MDGA2: variants seen among roughly 807,000 people sequenced by gnomAD.
MDGA2 encodes MAM domain containing glycosylphosphatidylinositol anchor 2, also known as MAM domain-containing glycosylphosphatidylinositol anchor protein 2.
MDGA2 carries 40 observed loss-of-function variants against 117.8 expected under a neutral mutation model. That is an observed-to-expected ratio of 0.34 (90% CI 0.26 to 0.44). The LOEUF is 0.44. MDGA2 is among the 20% of genes least tolerant of loss of function. The pLI, the probability that MDGA2 is intolerant of heterozygous loss-of-function variation, is 1.00. For synonymous variants in MDGA2, 452 were observed against 439.0 expected, an observed-to-expected ratio of 1.03 and a Z score of -0.37; for missense variants, 1,123 against 1,250.6, an observed-to-expected ratio of 0.90 and a Z score of 1.54.
At chr14:47,243,646 G>A (rs936438804) in intron 2 of MDGA2, among the ~76,000 whole-genome samples, 7 of 151,248 alleles carry the variant, frequency 4.6e-5, no homozygotes, top group East Asian at 1.9e-4. Flanking sequence ...CTGAGCCAGC[G>A]AGACCACGAA....
At chr14:46,846,315 G>A (rs1209988346) in intron 15 of MDGA2, among the ~76,000 whole-genome samples, 4 of 152,058 alleles carry the variant, frequency 2.6e-5, no homozygotes, top group Non-Finnish European at 5.9e-5. Flanking sequence ...ACAGTAATAT[G>A]TATATTGAAG....
At chr14:47,449,048 C>T (rs17118707) in intron 1 of MDGA2, among the ~76,000 whole-genome samples, 2,269 of 152,186 alleles carry the variant, frequency 0.015, 51 homozygotes, top group African/African-American at 0.051. Flanking sequence ...CAGTTCTTTC[C>T]AGACGAATCT....
intron 1 of MDGA2, among the ~76,000 whole-genome samples, chr14:47,613,477 T>A (rs145454741): frequency 0.014 from 1,954 of 138,082 alleles, 39 homozygotes; most frequent in African/African-American, 0.043. Context: ...TCTCTCTCTC[T>A]CTCACACACA....
intron 5 of MDGA2, among the ~76,000 whole-genome samples, chr14:47,107,360 C>T (rs1476252200): frequency 2.0e-5 from 3 of 152,056 alleles, no homozygotes; most frequent in Non-Finnish European, 4.4e-5. Context: ...CCTATAAACC[C>T]CGTGGTGCCA....
intron 5 of MDGA2, among the ~76,000 whole-genome samples, chr14:47,107,269 T>C (rs1880755970): frequency 6.6e-6 from 1 of 151,942 alleles, no homozygotes; most frequent in African/African-American, 2.4e-5. Context: ...TCCTTACAGT[T>C]CCCCCATTTT....
intron 2 of MDGA2, among the ~76,000 whole-genome samples, chr14:47,243,744 C>G (rs1336674981): frequency 6.6e-6 from 1 of 151,706 alleles, no homozygotes; most frequent in Non-Finnish European, 1.5e-5. Flanking sequence ...TAACGCTCAC[C>G]GCGAGGGTCC....
At chr14:47,601,197 A>C (rs1896642093) in intron 1 of MDGA2, among the ~76,000 whole-genome samples, 2 of 152,186 alleles carry the variant, frequency 1.3e-5, no homozygotes, top group African/African-American at 4.8e-5. Context: ...TCAGCTAAAT[A>C]GAGATGAGGA....
intron 1 of MDGA2, among the ~76,000 whole-genome samples, chr14:47,669,676 G>C (rs960229079): frequency 2.0e-5 from 3 of 152,136 alleles, no homozygotes; most frequent in Non-Finnish European, 4.4e-5. Flanking sequence ...TGAGTGTGTA[G>C]GGACAATGGA....
intron 8 of MDGA2, among the ~76,000 whole-genome samples, chr14:46,992,057 G>A (rs562637165): frequency 5.9e-5 from 9 of 152,150 alleles, no homozygotes; most frequent in South Asian, 2.1e-4. Flanking sequence ...TAAAAGCTAC[G>A]CCTAACAATA....
intron 3 of MDGA2, among the ~76,000 whole-genome samples, chr14:47,189,149 C>G (rs927888357): frequency 3.1e-4 from 47 of 152,158 alleles, no homozygotes; most frequent in African/African-American, 1.1e-3. Flanking sequence ...TGATCTCACT[C>G]TATCCTGTGG....
At chr14:47,403,035 T>G (rs977421191) in intron 1 of MDGA2, among the ~76,000 whole-genome samples, 1 of 152,142 alleles carries the variant, frequency 6.6e-6, no homozygotes, top group African/African-American at 2.4e-5. Flanking sequence ...TCTTAAGATC[T>G]TTCCCATGTT....
intron 2 of MDGA2, among the ~76,000 whole-genome samples, chr14:47,256,765 G>T (rs1331698713): frequency 1.3e-5 from 2 of 151,652 alleles, no homozygotes; most frequent in African/African-American, 4.8e-5. Context: ...TCATAAAATG[G>T]TAATTTAATT....
intron 5 of MDGA2, among the ~76,000 whole-genome samples, chr14:47,116,167 A>C (rs1364900508): frequency 6.7e-6 from 1 of 149,026 alleles, no homozygotes; most frequent in African/African-American, 2.4e-5. Flanking sequence ...ATTTACAATA[A>C]CACCAAAAAA....
intron 1 of MDGA2, among the ~76,000 whole-genome samples, chr14:47,539,358 A>G (rs145546243): frequency 3.9e-5 from 6 of 152,312 alleles, no homozygotes; most frequent in East Asian, 1.9e-4. Flanking sequence ...TCCTTCTGCA[A>G]TGTTGCTTTA....
chr14:47,041,516 T>C lies in MDGA2; in HGVS notation c.1526-6212A>G, dbSNP rs1248734457. 2.0e-5 allele frequency among the ~76,000 whole-genome samples: 3 copies of C among 152,086 alleles called. No individual in the cohort carries two copies. The East Asian group carries it at 5.8e-4, about 29-fold the overall frequency. On this transcript the variant is annotated intron_variant, in intron 7 of 16. Coordinates refer to ENST00000399232, the MANE Select transcript of MDGA2 (RefSeq NM_001113498.3). ...TATAGTATATATGTTACAGTATATA[T>C]GTGTATATAGTCTATACACAGCCCT...
At chr14:47,163,477 G>A (rs754920558) in intron 3 of MDGA2, among the ~76,000 whole-genome samples, 5 of 151,632 alleles carry the variant, frequency 3.3e-5, no homozygotes, top group East Asian at 1.9e-4. Flanking sequence ...TGTGAGATCC[G>A]GTGGTTTTAA....
intron 8 of MDGA2, among the ~76,000 whole-genome samples, chr14:46,984,067 A>G (rs1417277256): frequency 6.6e-6 from 1 of 152,072 alleles, no homozygotes; most frequent in African/African-American, 2.4e-5. Context: ...AATATTTTAC[A>G]TGATTCCACT....
chr14:46,934,805 A>C (rs903255676), intron 9 of MDGA2, among the ~76,000 whole-genome samples: 2 of 152,196 alleles, frequency 1.3e-5, no homozygotes, highest in Non-Finnish European at 2.9e-5. Flanking sequence ...TATATTAAAA[A>C]AATCATTTCA....
Position 47,619,113 on chromosome 14 carries a change from AAT to A in MDGA2, c.280+55402_280+55403del, listed in dbSNP as rs1238846857. Among the ~76,000 whole-genome samples the A allele has an allele frequency of 3.7e-5, 4 of 108,156 alleles. No individual in the cohort carries two copies. The East Asian group carries it at 1.0e-3, about 27-fold the overall frequency. 71.0% of individuals were successfully genotyped at this position (108,156 alleles called of 152,430 possible). On this transcript the variant is annotated intron_variant, in intron 1 of 16. Coordinates refer to ENST00000399232, the MANE Select transcript of MDGA2 (RefSeq NM_001113498.3). ...TAATAGCATCTCTGAGCCTCAGTTT[AAT>A]TACACACACACACACACACACACAC...
Sources: gnomAD v4.1 joint callset for allele counts (sites outside exome capture counted in the v4.1 genomes callset) on GRCh38, gnomAD v4.1.1 for gene constraint, MANE v1.5 for transcripts, NCBI Gene and HGNC (gene_info 2026-07-23, HGNC 2026-07-21) for gene names.